Variants in CNTNAP2 observed in about 807,000 individuals in gnomAD.
CNTNAP2 encodes the protein contactin-associated protein-like 2.
CNTNAP2 carries 98 observed loss-of-function variants against 155.2 expected under a neutral mutation model. The ratio of observed to expected loss-of-function variants is 0.63; its 90% CI spans 0.54 to 0.75. The LOEUF (loss-of-function observed/expected upper bound fraction) is 0.75. Among genes scored for constraint, CNTNAP2 ranks in the 30% least tolerant of loss-of-function variants. CNTNAP2 has a pLI of 0.00. For missense variants in CNTNAP2, 1,727 were observed against 1,688.1 expected (o/e 1.02, Z -0.40); for synonymous variants, 651 against 631.2 (o/e 1.03, Z -0.47).
chr7:147,808,269 C>T (rs370912403), intron 13 of CNTNAP2, among the ~76,000 whole-genome samples: 24 of 152,210 alleles, frequency 1.6e-4, no homozygotes, highest in African/African-American at 4.8e-4. Context: ...CCCATAACAT[C>T]GAGGCCCGGA....
At chr7:147,927,372 G>C (rs1376175683) in intron 14 of CNTNAP2, among the ~76,000 whole-genome samples, 1 of 152,042 alleles carries the variant, frequency 6.6e-6, no homozygotes, top group Non-Finnish European at 1.5e-5. Flanking sequence ...TAGCTAAATA[G>C]GGTTCTTTTT....
At chr7:147,406,024 A>C (rs1225576123) in intron 10 of CNTNAP2, among the ~76,000 whole-genome samples, 1 of 152,196 alleles carries the variant, frequency 6.6e-6, no homozygotes, top group African/African-American at 2.4e-5. Flanking sequence ...CAGTTAAATT[A>C]AAATGGTTAA....
In CNTNAP2 at chr7:147,936,300, ATT is replaced by A. The variant is rs56980866; in HGVS notation, c.2255+32591_2255+32592del. On this transcript the variant is annotated intron_variant, in intron 14 of 23. Coordinates refer to ENST00000361727, the MANE Select transcript of CNTNAP2 (RefSeq NM_014141.6). The stretch of plus-strand genomic sequence containing the variant: ...GTATACTGTACACGACATTTATTTT[ATT>A]TTTTTTTTTTTGCACTCACTTATTT... Among the ~76,000 whole-genome samples the A allele has an allele frequency of 2.8e-3, 420 of 147,896 alleles. 3 individuals are homozygous for A. Among genetic ancestry groups the A allele is most frequent in the African/African-American group, 9.7e-3 (388 of 39,992 alleles).
chr7:146,988,722 A>G (rs955829391), intron 3 of CNTNAP2, among the ~76,000 whole-genome samples: 4 of 152,196 alleles, frequency 2.6e-5, no homozygotes, highest in Non-Finnish European at 4.4e-5. Flanking sequence ...TACACAGACC[A>G]AAGAGAACAT....
intron 13 of CNTNAP2, among the ~76,000 whole-genome samples, chr7:147,700,884 T>G (rs1186984478): frequency 2.6e-5 from 4 of 152,180 alleles, no homozygotes; most frequent in African/African-American, 9.6e-5. Context: ...CCTTTTGTAC[T>G]GGAACAGCCC....
At chr7:148,364,242 G>A (rs550397244) in intron 21 of CNTNAP2, among the ~76,000 whole-genome samples, 18 of 152,352 alleles carry the variant, frequency 1.2e-4, no homozygotes, top group African/African-American at 3.4e-4. Flanking sequence ...GCCCCAGTGC[G>A]GGATCCACTA....
chr7:148,291,772 C>G (rs1438349551), intron 21 of CNTNAP2, among the ~76,000 whole-genome samples: 1 of 151,960 alleles, frequency 6.6e-6, no homozygotes, highest in African/African-American at 2.4e-5. Context: ...ATACAGATTC[C>G]AAAACGTCAT....
rs75854719 is a variant in CNTNAP2 at position 148,073,493 on chromosome 7, G to A, written c.2384-44625G>A. On this transcript the variant is annotated intron_variant, in intron 15 of 23. Coordinates refer to ENST00000361727, the MANE Select transcript of CNTNAP2 (RefSeq NM_014141.6). ...CCAGCCATTTGTCCAGCATATCCACGCGGTAGCTGCTACCTGTTCCTGAGT... is the reference window on the plus strand; with the variant it reads ...CCAGCCATTTGTCCAGCATATCCACACGGTAGCTGCTACCTGTTCCTGAGT... 2.1e-3 allele frequency among the ~76,000 whole-genome samples: 324 copies of A among 152,246 alleles called. 10 individuals carry two copies. In the East Asian group the frequency reaches 0.056, roughly 26 times the overall value.
intron 9 of CNTNAP2, among the ~76,000 whole-genome samples, chr7:147,326,198 A>G (rs1795455421): frequency 6.6e-6 from 1 of 152,222 alleles, no homozygotes; most frequent in Non-Finnish European, 1.5e-5. Flanking sequence ...TGCTGGGATT[A>G]CAGGCGTTAG....
chr7:147,761,479 A>G (rs1389605689), intron 13 of CNTNAP2, among the ~76,000 whole-genome samples: 4 of 152,176 alleles, frequency 2.6e-5, no homozygotes, highest in African/African-American at 9.7e-5. Context: ...CTGTTTCTGT[A>G]TATTCCTCCT....
intron 1 of CNTNAP2, among the ~76,000 whole-genome samples, chr7:146,417,807 G>C (rs1358078): frequency 0.42 from 64,480 of 151,912 alleles, 16,649 homozygotes; most frequent in African/African-American, 0.73. Flanking sequence ...TATTAATTAG[G>C]TACCAGGCTA....
Position 147,903,705 on chromosome 7 carries a change from G to A in CNTNAP2, c.2239G>A (p.Ala747Thr), listed in dbSNP as rs150530671. 134 of 1,613,652 alleles carry A rather than the reference G, an allele frequency of 8.3e-5. No individual in the cohort carries two copies. Among genetic ancestry groups the A allele is most frequent in the South Asian group, 2.7e-4 (25 of 91,002 alleles). Residue 747 changes from alanine (A) to threonine (T), a missense_variant, in exon 14 of 24, where the codon GCG becomes ACG. Transcript: ENST00000361727. The part of the protein sequence containing the change: ...TDPKYYCNCD[A>T]DYKQWRKDAG... Reference sequence around the variant, plus strand: ...TCCCAAGTACTACTGTAACTGCGACGCGGACTACAAGCAATGGTGAGTGCC... The same window carrying A: ...TCCCAAGTACTACTGTAACTGCGACACGGACTACAAGCAATGGTGAGTGCC...
intron 21 of CNTNAP2, among the ~76,000 whole-genome samples, chr7:148,383,440 T>G (rs1799114662): frequency 6.6e-6 from 1 of 152,202 alleles, no homozygotes; most frequent in South Asian, 2.1e-4. Context: ...ATTTTCACCC[T>G]ACCGTATTTT....
At chr7:146,623,126 A>G (rs953336127) in intron 1 of CNTNAP2, among the ~76,000 whole-genome samples, 4 of 152,092 alleles carry the variant, frequency 2.6e-5, no homozygotes, top group Admixed American at 6.6e-5. Flanking sequence ...TTTATGTGCA[A>G]TGACTCTAGT....
At chr7:147,933,540 G>GATAGATAGATAT (rs1554451582) in intron 14 of CNTNAP2, among the ~76,000 whole-genome samples, 1 of 92,904 alleles carries the variant, frequency 1.1e-5, no homozygotes, top group Non-Finnish European at 2.7e-5. Context: ...TAGATAGATA[G>GATAGATAGATAT]ATATAACAGA....
chr7:148,393,834 G>A (rs1042058239), intron 22 of CNTNAP2, among the ~76,000 whole-genome samples: 5 of 151,802 alleles, frequency 3.3e-5, no homozygotes, highest in African/African-American at 4.8e-5. Context: ...AAGTATCTTT[G>A]CATATGTTTA....
chr7:146,388,274 A>T (rs1795489332), intron 1 of CNTNAP2, among the ~76,000 whole-genome samples: 1 of 151,830 alleles, frequency 6.6e-6, no homozygotes, highest in Non-Finnish European at 1.5e-5. Context: ...CTACAAAAAG[A>T]AATGCAAAAA....
At chr7:148,223,905 G>A (rs1054423941) in intron 19 of CNTNAP2, among the ~76,000 whole-genome samples, 12 of 152,184 alleles carry the variant, frequency 7.9e-5, no homozygotes, top group Non-Finnish European at 1.5e-4. Flanking sequence ...AGAGGAAAAT[G>A]TCCAGCGTTT....
intron 8 of CNTNAP2, among the ~76,000 whole-genome samples, chr7:147,252,461 C>G (rs1804220735): frequency 6.6e-6 from 1 of 152,166 alleles, no homozygotes; most frequent in Non-Finnish European, 1.5e-5. Context: ...CTCATCTCTT[C>G]TCACATTTTA....
Sources: allele counts gnomAD v4.1 joint callset (sites outside exome capture counted in the v4.1 genomes callset), GRCh38; gene constraint gnomAD v4.1.1; transcripts MANE v1.5; gene names NCBI Gene and HGNC (gene_info 2026-07-23, HGNC 2026-07-21).